Variants in ZNF710 observed in about 807,000 individuals in gnomAD.
The protein encoded by ZNF710 is zinc finger protein 710.
Under a neutral mutation model 50.6 loss-of-function variants are expected in ZNF710, and 13 were observed. That is an observed-to-expected ratio of 0.26 (90% confidence interval 0.17 to 0.41). ZNF710 has a LOEUF of 0.41. ZNF710 is among the 10% of genes least tolerant of loss of function. The pLI, the probability that ZNF710 is intolerant of heterozygous loss-of-function variation, is 1.00. For synonymous variants in ZNF710, 383 were observed against 397.0 expected, an observed-to-expected ratio of 0.96 and a Z score of 0.42; for missense variants, 721 against 936.6, an observed-to-expected ratio of 0.77 and a Z score of 3.01.
chr15:90,042,463 G>A (rs984502883), intron 1 of ZNF710, among the ~76,000 whole-genome samples: 2 of 151,902 alleles, frequency 1.3e-5, no homozygotes, highest in Non-Finnish European at 2.9e-5. Flanking sequence ...CAGACTGAGC[G>A]CTCAGTAGAT....
chr15:90,007,785 T>G (rs1898176803), intron 1 of ZNF710, among the ~76,000 whole-genome samples: 1 of 151,490 alleles, frequency 6.6e-6, no homozygotes, highest in African/African-American at 2.4e-5. Context: ...TCTTTTTTGG[T>G]AGCACAGATG....
chr15:90,050,964 C>T (rs193050686), intron 1 of ZNF710, among the ~76,000 whole-genome samples: 18 of 152,306 alleles, frequency 1.2e-4, no homozygotes, highest in Admixed American at 5.2e-4. Context: ...CAGGCTGGGG[C>T]ACCGTGGCTC....
In ZNF710 at chr15:90,058,621, G is replaced by A. The variant is rs114477079; in HGVS notation, c.-28-8489G>A. ...GTCCTGTGGGTGGCCTGGCTGTCAG[G>A]GGAGATGATCCACAGTGTGATTATT... is the stretch of plus-strand genomic sequence containing the variant. On this transcript the variant is annotated intron_variant, in intron 1 of 4. Transcript: ENST00000268154. 6.1e-3 allele frequency among the ~76,000 whole-genome samples: 933 copies of A among 151,956 alleles called. 15 individuals are homozygous for A. The highest frequency in any genetic ancestry group is 0.021 in the African/African-American group (872 of 41,312).
intron 1 of ZNF710, among the ~76,000 whole-genome samples, chr15:90,039,666 C>G (rs1899239019): frequency 2.0e-5 from 3 of 152,214 alleles, no homozygotes; most frequent in Admixed American, 2.0e-4. Flanking sequence ...GCTTGCCCCA[C>G]CCCTAATGGC....
intron 1 of ZNF710, among the ~76,000 whole-genome samples, chr15:90,015,329 A>C (rs183887790): frequency 6.6e-6 from 1 of 152,188 alleles, no homozygotes; most frequent in Non-Finnish European, 1.5e-5. Context: ...GGGAACAGAT[A>C]CTCTCATAGT....
intron 1 of ZNF710, among the ~76,000 whole-genome samples, chr15:90,011,833 T>C (rs550785749): frequency 1.3e-5 from 2 of 152,300 alleles, no homozygotes; most frequent in South Asian, 4.1e-4. Context: ...TTTTGCTGGG[T>C]ATAAAACATT....
At position 90,068,109 on chromosome 15, in the gene ZNF710, G is replaced by A. The variant is rs748066843; in HGVS notation, c.972G>A (p.Ser324=). ...GCCACAACGGCATCAAGCCACACTC[G>A]TGCCCACACTGCAGCAAGCTCTTCA... is the stretch of plus-strand genomic sequence containing the variant. The part of the protein sequence containing the change: ...ILGHNGIKPH[S]CPHCSKLFKQ... Residue 324 remains serine, a synonymous_variant, in exon 2 of 5, where the codon TCG becomes TCA. Transcript: ENST00000268154. The surrounding 1 kb of genome is among the most constrained non-coding windows in gnomAD (Gnocchi z 5.0). The A allele has an allele frequency of 6.2e-6, 10 of 1,614,128 alleles. No homozygotes were observed. Among genetic ancestry groups the A allele is most frequent in the Admixed American group, 5.0e-5 (3 of 60,014 alleles).
chr15:90,013,918 C>T (rs2151466859), intron 1 of ZNF710, among the ~76,000 whole-genome samples: 1 of 152,270 alleles, frequency 6.6e-6, no homozygotes, highest in East Asian at 1.9e-4. Flanking sequence ...GTTCGGACCC[C>T]ACACTGGATT....
intron 4 of ZNF710, chr15:90,076,040 G>A (rs1227825220): frequency 6.6e-6 from 1 of 152,126 alleles, no homozygotes; most frequent in Non-Finnish European, 1.5e-5. Flanking sequence ...CAGAGTTTCT[G>A]ATTCAGTAGA....
chr15:90,015,212 A>AG (rs1384942588), intron 1 of ZNF710, among the ~76,000 whole-genome samples: 2 of 152,298 alleles, frequency 1.3e-5, no homozygotes, highest in East Asian at 3.9e-4. Flanking sequence ...TTTTTAAAGC[A>AG]GGCTAAAAAC....
intron 1 of ZNF710, among the ~76,000 whole-genome samples, chr15:90,002,282 C>G (rs1898032884): frequency 6.6e-6 from 1 of 151,530 alleles, no homozygotes; most frequent in African/African-American, 2.4e-5. Context: ...TCCCCGAGGG[C>G]CACTGGCCGC....
At chr15:90,029,675 GT>G (rs1898875645) in intron 1 of ZNF710, among the ~76,000 whole-genome samples, 1 of 152,110 alleles carries the variant, frequency 6.6e-6, no homozygotes, top group Non-Finnish European at 1.5e-5. Flanking sequence ...GAGTGCAGTG[GT>G]TTGATCTTGG....
At position 90,059,394 on chromosome 15, in the gene ZNF710, C is replaced by T. The variant is rs180776325; in HGVS notation, c.-28-7716C>T. 5.4e-4 allele frequency among the ~76,000 whole-genome samples: 82 copies of T among 152,374 alleles called. 1 individual carries two copies. The East Asian group carries it at 0.014, about 25-fold the overall frequency. The stretch of plus-strand genomic sequence containing the variant: ...CTGCATTCTAGCCCTTGCTCCCCCA[C>T]CGTCTCACTGTGTGACCTTGGACCA... On this transcript the variant is annotated intron_variant, in intron 1 of 4. Coordinates refer to ENST00000268154, the MANE Select transcript of ZNF710 (RefSeq NM_198526.4). The surrounding 1 kb of genome is among the most constrained non-coding windows in gnomAD (Gnocchi z 4.1).
In ZNF710 at chr15:90,079,863, G is replaced by A. The variant is rs1380940419; in HGVS notation, c.*34G>A. ...GGGCCACCCCTAACGGGGGCCGGGG[G>A]CGAGGGCATGGGGGTGAGACCCATG... On this transcript the variant is annotated 3_prime_UTR_variant, in exon 5 of 5. Transcript: ENST00000268154. 4.5e-6 allele frequency: 7 copies of A among 1,561,840 alleles called. No individual in the cohort carries two copies. The highest frequency in any genetic ancestry group is 2.0e-4 in the Middle Eastern group (1 of 5,012).
At chr15:90,041,558 T>C (rs1899295416) in intron 1 of ZNF710, among the ~76,000 whole-genome samples, 1 of 152,212 alleles carries the variant, frequency 6.6e-6, no homozygotes, top group Non-Finnish European at 1.5e-5. Flanking sequence ...TATATTAAAA[T>C]AACTCCATGC....
rs573679201 is a variant in ZNF710, at chr15:90,008,484, A to G, written c.-29+6870A>G. ...TATATATACATGAAGTAAAAGAACT[A>G]TTAGAAGTGGGTTGGAGGCCGGGCA... On this transcript the variant is annotated intron_variant, in intron 1 of 4. Transcript: ENST00000268154. Among the ~76,000 whole-genome samples, 17 of 146,668 alleles carry G rather than the reference A, an allele frequency of 1.2e-4. No homozygotes were observed. The East Asian group carries it at 2.9e-3, about 25-fold the overall frequency.
chr15:90,008,394 T>A (rs766591378), intron 1 of ZNF710, among the ~76,000 whole-genome samples: 20 of 139,918 alleles, frequency 1.4e-4, no homozygotes, highest in Non-Finnish European at 2.8e-4. Context: ...TATGTGTATA[T>A]ATGTATATAG....
At chr15:90,019,194 T>C (rs945844490) in intron 1 of ZNF710, among the ~76,000 whole-genome samples, 3 of 147,458 alleles carry the variant, frequency 2.0e-5, no homozygotes, top group African/African-American at 5.0e-5. Context: ...TTTCTTTTTT[T>C]TTTTTTTTTT....
At chr15:90,004,376 C>T (rs145135667) in intron 1 of ZNF710, among the ~76,000 whole-genome samples, 6 of 152,280 alleles carry the variant, frequency 3.9e-5, no homozygotes, top group African/African-American at 1.4e-4. Flanking sequence ...TTGGAGGAGA[C>T]AAGTGAAGTC....
Sources: allele counts gnomAD v4.1 joint callset (sites outside exome capture counted in the v4.1 genomes callset), GRCh38; gene constraint gnomAD v4.1.1; non-coding constraint Gnocchi (gnomAD v3.1); transcripts MANE v1.5; gene names NCBI Gene and HGNC (gene_info 2026-07-23, HGNC 2026-07-21).